The following ARAP2 variants were observed in gnomAD, a reference collection of about 807,000 sequenced individuals.
ARAP2 encodes the protein arf-GAP with Rho-GAP domain, ANK repeat and PH domain-containing protein 2.
Under a neutral mutation model 194.5 loss-of-function variants are expected in ARAP2, and 148 were observed. That is an observed-to-expected ratio of 0.76 (90% CI 0.67 to 0.87). The LOEUF (loss-of-function observed/expected upper bound fraction) is 0.87, where lower values mean the gene tolerates loss of function less well. Ranked by LOEUF, ARAP2 falls within the 40% of genes least tolerant of loss-of-function variation. The probability of loss-of-function intolerance (pLI) is 0.00; values close to 1 mark genes in which losing one functional copy is unlikely to be tolerated. For missense variants in ARAP2, 2,128 were observed against 1,989.7 expected (o/e 1.07, Z -1.32); for synonymous variants, 695 against 683.5 (o/e 1.02, Z -0.26).
chr4:36,028,259 A>G (rs898139991), intron 5 of ARAP2, among the ~76,000 whole-genome samples: 1 of 152,180 alleles, frequency 6.6e-6, no homozygotes, highest in African/African-American at 2.4e-5. Flanking sequence ...ATGTAGCGTT[A>G]TAATTATGAT....
At chr4:36,106,916 C>T (rs1344586550) in intron 27 of ARAP2, among the ~76,000 whole-genome samples, 1 of 151,720 alleles carries the variant, frequency 6.6e-6, no homozygotes, top group East Asian at 1.9e-4. Context: ...GTATATAATC[C>T]TGGCTTTTTT....
intron 32 of ARAP2, among the ~76,000 whole-genome samples, chr4:36,070,860 T>C (rs913988540): frequency 6.6e-6 from 1 of 152,178 alleles, no homozygotes; most frequent in Non-Finnish European, 1.5e-5. Flanking sequence ...AAGTAAATTG[T>C]CTTTATCTTA....
chr4:36,153,621 A>G (rs1731531154), intron 15 of ARAP2, among the ~76,000 whole-genome samples: 1 of 152,192 alleles, frequency 6.6e-6, no homozygotes, highest in Non-Finnish European at 1.5e-5. Flanking sequence ...AAACATTACG[A>G]CAGGATTTAC....
chr4:36,206,423 C>A (rs1745551546), intron 6 of ARAP2, among the ~76,000 whole-genome samples: 1 of 152,198 alleles, frequency 6.6e-6, no homozygotes, highest in Non-Finnish European at 1.5e-5. Flanking sequence ...ATAACTCCAA[C>A]CTCCACCTGC....
intron 27 of ARAP2, among the ~76,000 whole-genome samples, chr4:36,101,138 C>T (rs1040959899): frequency 5.3e-5 from 8 of 151,958 alleles, no homozygotes; most frequent in African/African-American, 1.9e-4. Flanking sequence ...AGATTACATG[C>T]AGATACTCTG....
intron 5 of ARAP2, among the ~76,000 whole-genome samples, chr4:36,042,683 C>CTT (rs1360519353): frequency 1.3e-5 from 2 of 152,074 alleles, no homozygotes; most frequent in Non-Finnish European, 2.9e-5. Context: ...AAAATGAAAA[C>CTT]TTTCAAGTAT....
chr4:36,154,384 A>C (rs747471976), intron 15 of ARAP2, among the ~76,000 whole-genome samples: 8 of 152,170 alleles, frequency 5.3e-5, no homozygotes, highest in Non-Finnish European at 1.0e-4. Flanking sequence ...AAAATTCCTC[A>C]ATGCTAATTT....
At chr4:36,079,809 T>C (rs1196050693) in intron 31 of ARAP2, among the ~76,000 whole-genome samples, 1 of 152,176 alleles carries the variant, frequency 6.6e-6, no homozygotes, top group East Asian at 1.9e-4. Context: ...TAGGTTCCTG[T>C]CCTTGTTTCT....
At chr4:36,164,686 GACCAGTAGGC>G (rs1734859734) in intron 11 of ARAP2, among the ~76,000 whole-genome samples, 1 of 152,094 alleles carries the variant, frequency 6.6e-6, no homozygotes, top group South Asian at 2.1e-4. Context: ...TCTATACATG[GACCAGTAGGC>G]ATAAAATATG....
At chr4:36,227,088 A>G (rs1750486844) in intron 2 of ARAP2, among the ~76,000 whole-genome samples, 1 of 152,180 alleles carries the variant, frequency 6.6e-6, no homozygotes, top group South Asian at 2.1e-4. Flanking sequence ...TTTCAACAAT[A>G]TTTACTCAAT....
chr4:36,187,374 A>T (rs555053993), intron 8 of ARAP2, 77 bp downstream of exon 8: 51 of 799,436 alleles, frequency 6.4e-5, no homozygotes, highest in Admixed American at 4.6e-4. Flanking sequence ...GTTTCTTGAC[A>T]TTCCTAGTCT....
chr4:36,032,601 T>G (rs747522530), intron 5 of ARAP2, among the ~76,000 whole-genome samples: 1 of 152,230 alleles, frequency 6.6e-6, no homozygotes, highest in Non-Finnish European at 1.5e-5. Flanking sequence ...TTCAATTTAT[T>G]TTAAGATTAT....
intron 5 of ARAP2, among the ~76,000 whole-genome samples, chr4:36,045,819 G>A (rs1291413877): frequency 6.6e-6 from 1 of 151,722 alleles, no homozygotes; most frequent in Non-Finnish European, 1.5e-5. Context: ...AAAAAGATAT[G>A]CAATTATTGA....
At chr4:36,164,532 A>G (rs932449101) in intron 11 of ARAP2, among the ~76,000 whole-genome samples, 1 of 152,228 alleles carries the variant, frequency 6.6e-6, no homozygotes, top group Admixed American at 6.5e-5. Flanking sequence ...TGCTCAAAAC[A>G]ACACTGAGGT....
intron 5 of ARAP2, among the ~76,000 whole-genome samples, chr4:36,036,590 TTATCTC>T (rs1334697284): frequency 6.6e-6 from 1 of 152,132 alleles, no homozygotes; most frequent in Non-Finnish European, 1.5e-5. Flanking sequence ...ATAAAATAAA[TTATCTC>T]TATACCACAG....
At chr4:36,124,786 T>G (rs1577976917) in intron 22 of ARAP2, 76 bp downstream of exon 22, 1 of 922,442 alleles carries the variant, frequency 1.1e-6, no homozygotes, top group East Asian at 2.5e-5. Flanking sequence ...GTAGAAAGAT[T>G]CACAATCACA....
intron 28 of ARAP2, among the ~76,000 whole-genome samples, chr4:36,085,050 G>A (rs529334676): frequency 2.0e-5 from 3 of 152,106 alleles, no homozygotes; most frequent in African/African-American, 7.2e-5. Flanking sequence ...TTATGTATTT[G>A]CTAGCCATCG....
At chr4:36,184,133 T>C (rs116230857) in intron 8 of ARAP2, among the ~76,000 whole-genome samples, 6 of 152,252 alleles carry the variant, frequency 3.9e-5, no homozygotes, top group Non-Finnish European at 5.9e-5. Context: ...TCTGTATACA[T>C]AGAAGGAAAC....
intron 32 of ARAP2, among the ~76,000 whole-genome samples, chr4:36,071,741 G>A (rs1017013901): frequency 7.2e-6 from 1 of 138,246 alleles, no homozygotes; most frequent in African/African-American, 2.7e-5. Flanking sequence ...GGGTACATGT[G>A]CACATTGTGC....
Sources: allele counts gnomAD v4.1 joint callset (sites outside exome capture counted in the v4.1 genomes callset), GRCh38; gene constraint gnomAD v4.1.1; transcripts MANE v1.5; gene names NCBI Gene and HGNC (gene_info 2026-07-23, HGNC 2026-07-21).